ADAMTS2: variants seen among roughly 807,000 people sequenced by gnomAD.
ADAMTS2 encodes the protein A disintegrin and metalloproteinase with thrombospondin motifs 2.
In ADAMTS2, 50 loss-of-function variants were observed where a neutral mutation model predicts 123.0. The ratio of observed to expected loss-of-function variants is 0.41; its 90% confidence interval spans 0.32 to 0.51. The LOEUF (loss-of-function observed/expected upper bound fraction) is 0.51. ADAMTS2 is among the 20% of genes least tolerant of loss of function. The pLI is 0.35. For missense variants in ADAMTS2, 1,494 were observed against 1,705.2 expected (o/e 0.88, Z 2.18); for synonymous variants, 678 against 695.4 (o/e 0.98, Z 0.39).
chr5:179,127,401 C>T (rs1762878811), intron 17 of ADAMTS2, among the ~76,000 whole-genome samples: 1 of 152,108 alleles, frequency 6.6e-6, no homozygotes. Context: ...CTGTCCTGGT[C>T]ACTTGCCTGG....
chr5:179,241,859 G>A, intron 3 of ADAMTS2, among the ~76,000 whole-genome samples: 1 of 152,146 alleles, frequency 6.6e-6, no homozygotes, highest in East Asian at 1.9e-4. Flanking sequence ...GGGGCAAGTG[G>A]GGGACCATCT....
At chr5:179,190,278 TA>T (rs1193813693) in intron 4 of ADAMTS2, among the ~76,000 whole-genome samples, 1 of 152,090 alleles carries the variant, frequency 6.6e-6, no homozygotes, top group Non-Finnish European at 1.5e-5. Context: ...CGAGCAGGAT[TA>T]GGGGCAGCAT....
At chr5:179,337,308 G>A (rs191397892) in intron 2 of ADAMTS2, among the ~76,000 whole-genome samples, 48 of 151,994 alleles carry the variant, frequency 3.2e-4, no homozygotes, top group Non-Finnish European at 4.4e-4. Flanking sequence ...AACCCCTCCC[G>A]AGAAATACAT....
chr5:179,303,540 G>A lies in ADAMTS2; in HGVS notation c.535-30476C>T, dbSNP rs1300552282. On this transcript the variant is annotated intron_variant, in intron 2 of 21. Coordinates refer to ENST00000251582, the MANE Select transcript of ADAMTS2 (RefSeq NM_014244.5). The surrounding 1 kb of genome is among the most constrained non-coding windows in gnomAD (Gnocchi z 4.7). Reference sequence around the variant, plus strand: ...GTCAAACTCCAGAAGCGGGCACTGGGTACAGACAGACAGAGCTCGAGACAA... The same window carrying A: ...GTCAAACTCCAGAAGCGGGCACTGGATACAGACAGACAGAGCTCGAGACAA... Among the ~76,000 whole-genome samples, 1 of 152,236 alleles carries A rather than the reference G, an allele frequency of 6.6e-6. No individual in the cohort carries two copies.
intron 3 of ADAMTS2, among the ~76,000 whole-genome samples, 163 bp from the exon 4 acceptor site, chr5:179,207,878 G>C (rs1042685383): frequency 6.6e-6 from 1 of 152,220 alleles, no homozygotes; most frequent in Non-Finnish European, 1.5e-5. Context: ...GAAGATGGCA[G>C]AGACTTGCCA....
At chr5:179,313,216 A>G (rs1665407497) in intron 2 of ADAMTS2, among the ~76,000 whole-genome samples, 1 of 150,890 alleles carries the variant, frequency 6.6e-6, no homozygotes, top group Non-Finnish European at 1.5e-5. Flanking sequence ...TCATGCACAC[A>G]CACACACCGA....
intron 4 of ADAMTS2, among the ~76,000 whole-genome samples, chr5:179,195,120 G>T (rs964312538): frequency 6.6e-6 from 1 of 152,176 alleles, no homozygotes; most frequent in Non-Finnish European, 1.5e-5. Flanking sequence ...GTGTAATCAC[G>T]TGTCCTGATC....
At chr5:179,323,674 G>A (rs753176819) in intron 2 of ADAMTS2, among the ~76,000 whole-genome samples, 5 of 152,222 alleles carry the variant, frequency 3.3e-5, no homozygotes, top group African/African-American at 9.6e-5. Flanking sequence ...CAGCACCTGC[G>A]CCCGTCAGGG....
Position 179,175,327 on chromosome 5 carries a change from C to G in ADAMTS2, c.975+5745G>C, listed in dbSNP as rs1311209631. Among the ~76,000 whole-genome samples, 2 of 152,232 alleles carry G rather than the reference C, an allele frequency of 1.3e-5. No individual in the cohort carries two copies. The highest frequency in any genetic ancestry group is 1.9e-4 in the East Asian group (1 of 5,200). On this transcript the variant is annotated intron_variant, in intron 5 of 21. Coordinates refer to ENST00000251582, the MANE Select transcript of ADAMTS2 (RefSeq NM_014244.5). This position sits in a 1 kb window ranked among gnomAD's most constrained non-coding sequence, Gnocchi z 4.1. Reference sequence around the variant, plus strand: ...GCTGTCTCAGCCATTCTTGACCGTTCGTGTTCCTAGATGGTGCTTAGAATC... The same window carrying G: ...GCTGTCTCAGCCATTCTTGACCGTTGGTGTTCCTAGATGGTGCTTAGAATC...
chr5:179,191,244 C>T (rs1047630879), intron 4 of ADAMTS2, among the ~76,000 whole-genome samples: 11 of 152,216 alleles, frequency 7.2e-5, no homozygotes, highest in Non-Finnish European at 8.8e-5. Flanking sequence ...GGCTGCAGGA[C>T]GGCCCTGCCT....
At chr5:179,281,146 T>A (rs1561681693) in intron 2 of ADAMTS2, among the ~76,000 whole-genome samples, 1 of 152,236 alleles carries the variant, frequency 6.6e-6, no homozygotes, top group African/African-American at 2.4e-5. Context: ...GCATAAGCCA[T>A]GGCGCCCGGC....
chr5:179,288,714 A>G (rs1756099959), intron 2 of ADAMTS2, among the ~76,000 whole-genome samples: 1 of 152,210 alleles, frequency 6.6e-6, no homozygotes, highest in Admixed American at 6.5e-5. Flanking sequence ...CCGTATCCAG[A>G]ATGCAGGCAG....
chr5:179,200,416 T>G (rs947586627), intron 4 of ADAMTS2, among the ~76,000 whole-genome samples: 1 of 151,950 alleles, frequency 6.6e-6, no homozygotes, highest in African/African-American at 2.4e-5. Flanking sequence ...ACTCGGCTTA[T>G]TTTTGTATTT....
At chr5:179,299,491 A>C (rs191599360) in intron 2 of ADAMTS2, among the ~76,000 whole-genome samples, 1 of 146,140 alleles carries the variant, frequency 6.8e-6, no homozygotes, top group Non-Finnish European at 1.5e-5. Flanking sequence ...ATCACACCAC[A>C]GCACTCCAGC....
chr5:179,248,152 T>A (rs1765846647), intron 3 of ADAMTS2, among the ~76,000 whole-genome samples: 1 of 152,168 alleles, frequency 6.6e-6, no homozygotes, highest in Admixed American at 6.5e-5. Flanking sequence ...TAAGTTGATA[T>A]CAATTCAAAC....
At chr5:179,176,617 G>A (rs1200510539) in intron 5 of ADAMTS2, among the ~76,000 whole-genome samples, 1 of 152,152 alleles carries the variant, frequency 6.6e-6, no homozygotes, top group African/African-American at 2.4e-5. Context: ...CCTGGTCCCA[G>A]TCCAGCTGCC....
In ADAMTS2 at chr5:179,276,557, A is replaced by G. The variant is rs564219047; in HGVS notation, c.535-3493T>C. Among the ~76,000 whole-genome samples the G allele has an allele frequency of 6.6e-5, 10 of 152,222 alleles. No individual in the cohort carries two copies. In the South Asian group the frequency reaches 1.7e-3, roughly 25 times the overall value. ...TGCACACTCACACAGGAGCACATGC[A>G]GCCTGGGAGACACTGAGAACCAGGC... On this transcript the variant is annotated intron_variant, in intron 2 of 21. Transcript: ENST00000251582.
At chr5:179,205,754 A>ATTG (rs1295403888) in intron 4 of ADAMTS2, among the ~76,000 whole-genome samples, 3 of 129,722 alleles carry the variant, frequency 2.3e-5, no homozygotes, top group African/African-American at 8.7e-5. Context: ...TTATGGTTTT[A>ATTG]TTGTTATTAT....
At chr5:179,298,829 A>C (rs1756418474) in intron 2 of ADAMTS2, among the ~76,000 whole-genome samples, 1 of 152,236 alleles carries the variant, frequency 6.6e-6, no homozygotes, top group South Asian at 2.1e-4. Context: ...GTCTGAAAAC[A>C]TTTGGATTAT....
Sources: allele counts gnomAD v4.1 joint callset (sites outside exome capture counted in the v4.1 genomes callset), GRCh38; gene constraint gnomAD v4.1.1; non-coding constraint Gnocchi (gnomAD v3.1); transcripts MANE v1.5; gene names NCBI Gene and HGNC (gene_info 2026-07-23, HGNC 2026-07-21).